Variants in SYN3 observed in about 807,000 individuals in gnomAD.
SYN3 encodes the protein synapsin III.
Under a neutral mutation model 65.8 loss-of-function variants are expected in SYN3, and 35 were observed. The observed-to-expected ratio is 0.53, with a 90% CI of 0.41 to 0.70. The LOEUF (loss-of-function observed/expected upper bound fraction) is 0.70, where lower values mean the gene tolerates loss of function less well. SYN3 is among the 30% of genes least tolerant of loss of function. SYN3 has a pLI of 0.00. For synonymous variants in SYN3, 270 were observed against 292.9 expected (o/e 0.92, Z 0.80); for missense variants, 680 against 749.0 (o/e 0.91, Z 1.08).
intron 7 of SYN3, among the ~76,000 whole-genome samples, chr22:32,590,637 T>G (rs1366829730): frequency 6.6e-6 from 1 of 152,242 alleles, no homozygotes; most frequent in Non-Finnish European, 1.5e-5. Flanking sequence ...ATATGTACTT[T>G]CTGTGTGTCT....
intron 6 of SYN3, among the ~76,000 whole-genome samples, chr22:32,820,350 C>T: frequency 8.9e-6 from 1 of 112,442 alleles, no homozygotes; most frequent in South Asian, 3.4e-4. Flanking sequence ...ACCCATTCCA[C>T]TGCGTGTGTG....
intron 4 of SYN3, among the ~76,000 whole-genome samples, chr22:32,884,652 G>A (rs1048106794): frequency 4.6e-5 from 7 of 152,200 alleles, no homozygotes; most frequent in African/African-American, 9.7e-5. Flanking sequence ...AGGCCAAGGC[G>A]GGCGGATCAC....
intron 6 of SYN3, among the ~76,000 whole-genome samples, chr22:32,842,761 G>T (rs114121977): frequency 6.6e-6 from 1 of 152,258 alleles, no homozygotes; most frequent in Non-Finnish European, 1.5e-5. Context: ...AAGCCTTGCC[G>T]GGGAGCACAA....
intron 1 of SYN3, among the ~76,000 whole-genome samples, chr22:33,039,087 G>A (rs1302399595): frequency 6.6e-6 from 1 of 152,132 alleles, no homozygotes; most frequent in African/African-American, 2.4e-5. Flanking sequence ...TTCTGAAGAT[G>A]AGCTATTCAG....
At chr22:32,663,106 G>A (rs1432194243) in intron 6 of SYN3, among the ~76,000 whole-genome samples, 1 of 152,158 alleles carries the variant, frequency 6.6e-6, no homozygotes, top group African/African-American at 2.4e-5. Context: ...GAATGTGTGT[G>A]CATCCAGAAG....
At chr22:32,762,187 A>G (rs1221028660) in intron 6 of SYN3, among the ~76,000 whole-genome samples, 8 of 152,240 alleles carry the variant, frequency 5.3e-5, no homozygotes, top group Admixed American at 5.2e-4. Context: ...CTCCCTGTCC[A>G]TACATCCTTC....
At chr22:33,047,827 C>T (rs149521867) in intron 1 of SYN3, among the ~76,000 whole-genome samples, 1 of 143,502 alleles carries the variant, frequency 7.0e-6, no homozygotes, top group African/African-American at 2.6e-5. Context: ...TCCTCTTATC[C>T]TTCAAGGTTA....
intron 5 of SYN3, among the ~76,000 whole-genome samples, chr22:32,868,751 T>A (rs1046334534): frequency 8.5e-5 from 13 of 152,066 alleles, no homozygotes; most frequent in Admixed American, 3.9e-4. Flanking sequence ...GTGCCCGGCC[T>A]ATAAATATTT....
intron 7 of SYN3, among the ~76,000 whole-genome samples, chr22:32,562,451 C>T (rs1452925331): frequency 1.3e-5 from 2 of 152,216 alleles, no homozygotes; most frequent in Non-Finnish European, 1.5e-5. Context: ...TCTGGGTTGG[C>T]CTGGAGGGAC....
At chr22:32,931,327 G>T in intron 4 of SYN3, 63 bp downstream of exon 4, 1 of 1,086,472 alleles carries the variant, frequency 9.2e-7, no homozygotes, top group Non-Finnish European at 1.4e-6. Context: ...ACGGAGGGGT[G>T]GGCTACATGA....
intron 7 of SYN3, among the ~76,000 whole-genome samples, chr22:32,596,033 C>G (rs112546485): frequency 6.6e-6 from 1 of 152,126 alleles, no homozygotes; most frequent in East Asian, 1.9e-4. Flanking sequence ...GCCGAGATCA[C>G]GCTACTGCAC....
intron 3 of SYN3, among the ~76,000 whole-genome samples, chr22:32,942,536 C>T (rs1173800408): frequency 1.3e-5 from 2 of 152,208 alleles, no homozygotes; most frequent in Non-Finnish European, 2.9e-5. Context: ...GAAATCAGAG[C>T]GCCTCTTCTC....
intron 3 of SYN3, among the ~76,000 whole-genome samples, chr22:32,973,287 G>C (rs183208727): frequency 1.3e-5 from 2 of 152,176 alleles, no homozygotes; most frequent in African/African-American, 4.8e-5. Context: ...AGGTGCCCAA[G>C]AAACTAGTGA....
At chr22:32,859,355 T>C (rs1286744092) in intron 6 of SYN3, 2 of 1,612,058 alleles carry the variant, frequency 1.2e-6, no homozygotes, top group Non-Finnish European at 1.7e-6. Context: ...GATAAAAGCA[T>C]CATCAATGCC....
At chr22:33,001,075 G>A (rs1337282551) in intron 2 of SYN3, among the ~76,000 whole-genome samples, 1 of 152,208 alleles carries the variant, frequency 6.6e-6, no homozygotes, top group African/African-American at 2.4e-5. Context: ...GGAAGTCTCT[G>A]TCACAAACAT....
rs1297500888 is a variant in SYN3, at chr22:32,606,928, A to G, written c.712-10192T>C. Among the ~76,000 whole-genome samples the G allele has an allele frequency of 5.3e-5, 8 of 152,076 alleles. No homozygotes were observed. The East Asian group carries it at 1.5e-3, about 29-fold the overall frequency. On this transcript the variant is annotated intron_variant, in intron 6 of 13. Transcript: ENST00000358763. The stretch of plus-strand genomic sequence containing the variant: ...CAACGTGCAGGTTTGTTACATATGT[A>G]TACATGTGCCATGTTGGTGTGCTGC...
At chr22:32,984,204 GAAAA>G (rs2052457946) in intron 2 of SYN3, among the ~76,000 whole-genome samples, 1 of 85,064 alleles carries the variant, frequency 1.2e-5, no homozygotes, top group African/African-American at 5.0e-5. Context: ...AAAGAAAAAA[GAAAA>G]AAAGAGTCCC....
chr22:32,529,229 G>A (rs1034122843), intron 10 of SYN3: 3 of 544,806 alleles, frequency 5.5e-6, no homozygotes. Context: ...TTCGGCCCAC[G>A]TTTGCTGGAT....
intron 6 of SYN3, among the ~76,000 whole-genome samples, chr22:32,834,115 A>G (rs780073183): frequency 4.6e-5 from 7 of 151,794 alleles, no homozygotes; most frequent in Non-Finnish European, 7.4e-5. Context: ...AACATCTAGG[A>G]ACAGGGGTTG....
Sources: gnomAD v4.1 joint callset for allele counts (sites outside exome capture counted in the v4.1 genomes callset) on GRCh38, gnomAD v4.1.1 for gene constraint, MANE v1.5 for transcripts, NCBI Gene and HGNC (gene_info 2026-07-23, HGNC 2026-07-21) for gene names.